The following RFX3 variants were observed in gnomAD, a reference collection of about 807,000 sequenced individuals.
The protein encoded by RFX3 is regulatory factor X3, also known as transcription factor RFX3.
RFX3 carries 14 observed loss-of-function variants against 98.6 expected under a neutral mutation model. That is an observed-to-expected ratio of 0.14 (90% CI 0.09 to 0.22). The LOEUF (loss-of-function observed/expected upper bound fraction) is 0.22. Ranked by LOEUF, RFX3 falls within the 10% of genes least tolerant of loss-of-function variation. RFX3 has a pLI of 1.00. For missense variants in RFX3, 639 were observed against 926.9 expected, an observed-to-expected ratio of 0.69 and a Z score of 4.03; for synonymous variants, 383 against 328.4, an observed-to-expected ratio of 1.17 and a Z score of -1.80.
intron 4 of RFX3, among the ~76,000 whole-genome samples, chr9:3,326,237 T>C (rs866849699): frequency 1.2e-4 from 18 of 151,920 alleles, no homozygotes; most frequent in African/African-American, 1.7e-4. Flanking sequence ...AAAGGAGAAA[T>C]AGTATTTTGA....
At position 3,222,118 on chromosome 9, in the gene RFX3, TA is replaced by T; in HGVS notation, c.*2923del. On this transcript the variant is annotated 3_prime_UTR_variant, in exon 17 of 17. Coordinates refer to ENST00000617270, the MANE Select transcript of RFX3 (RefSeq NM_001282116.2). ...TATAAATTGTTTTTATTTTCTTATA[TA>T]TTTTTCACAATTCAAATTCGAAATT... 6.6e-6 allele frequency: 1 copy of T among 152,190 alleles called. No individual in the cohort carries two copies. Among genetic ancestry groups the T allele is most frequent in the Non-Finnish European group, 1.5e-5 (1 of 68,010 alleles). The allele number at this position is 152,190 out of a possible 1,614,324, so 9.4% of individuals were successfully genotyped here. A position where few individuals can be genotyped will look rare whatever the true frequency, so the allele number is the denominator to read the frequency against.
At chr9:3,383,109 C>T (rs924999941) in intron 2 of RFX3, among the ~76,000 whole-genome samples, 9 of 152,070 alleles carry the variant, frequency 5.9e-5, no homozygotes, top group East Asian at 1.9e-4. Context: ...TATTCCTTTC[C>T]GCAGATTACC....
At position 3,383,677 on chromosome 9, in the gene RFX3, C is replaced by T. The variant is rs1349786747; in HGVS notation, c.117+11795G>A. On this transcript the variant is annotated intron_variant, in intron 2 of 16. Coordinates refer to ENST00000617270, the MANE Select transcript of RFX3 (RefSeq NM_001282116.2). ...TTTAAATAGAAAGCCTATCAGTTCA[C>T]AAGGGCTGTAAGGAAAATGAACCAT... Among the ~76,000 whole-genome samples, 5 of 152,104 alleles carry T rather than the reference C, an allele frequency of 3.3e-5. No individual in the cohort carries two copies. The South Asian group carries it at 1.0e-3, about 31-fold the overall frequency.
At chr9:3,274,763 C>T (rs1337551885) in intron 9 of RFX3, among the ~76,000 whole-genome samples, 1 of 152,050 alleles carries the variant, frequency 6.6e-6, no homozygotes, top group Non-Finnish European at 1.5e-5. Flanking sequence ...AGTCTCTCCC[C>T]TCTAACTCCC....
chr9:3,253,603 G>C (rs1345879936), intron 14 of RFX3, among the ~76,000 whole-genome samples: 1 of 152,106 alleles, frequency 6.6e-6, no homozygotes, highest in Admixed American at 6.6e-5. Context: ...AGCCAGGTTA[G>C]GCAAGGAGAG....
intron 1 of RFX3, among the ~76,000 whole-genome samples, chr9:3,485,642 TC>T (rs1850198091): frequency 6.6e-6 from 1 of 152,208 alleles, no homozygotes; most frequent in African/African-American, 2.4e-5. Context: ...CTGTCTATAA[TC>T]CCAAATTTGA....
chr9:3,336,612 C>G (rs1051226665), intron 3 of RFX3, among the ~76,000 whole-genome samples: 1 of 151,978 alleles, frequency 6.6e-6, no homozygotes, highest in Non-Finnish European at 1.5e-5. Flanking sequence ...CAGGAAAGAT[C>G]CTGATATTTA....
intron 2 of RFX3, among the ~76,000 whole-genome samples, chr9:3,359,896 A>C (rs573007924): frequency 1.3e-5 from 2 of 152,282 alleles, no homozygotes; most frequent in South Asian, 4.1e-4. Context: ...AATTGTTCAA[A>C]TATTAGTTGC....
intron 4 of RFX3, among the ~76,000 whole-genome samples, chr9:3,310,092 T>C (rs527363317): frequency 1.3e-5 from 2 of 152,324 alleles, no homozygotes; most frequent in African/African-American, 2.4e-5. Flanking sequence ...CAGATGCTTC[T>C]AGTACAAGTA....
chr9:3,438,803 T>C lies in RFX3; in HGVS notation c.-8-43207A>G, dbSNP rs151142977. Among the ~76,000 whole-genome samples, 558 of 152,130 alleles carry C rather than the reference T, an allele frequency of 3.7e-3. 4 individuals carry two copies. Among genetic ancestry groups the C allele is most frequent in the Non-Finnish European group, 5.8e-3 (396 of 67,916 alleles). ...ATTAGGAATACAGAGAATAATTTCA[T>C]AATGATAAAGTGATCAATTCATCAA... On this transcript the variant is annotated intron_variant, in intron 1 of 16. Coordinates refer to ENST00000617270, the MANE Select transcript of RFX3 (RefSeq NM_001282116.2).
intron 2 of RFX3, among the ~76,000 whole-genome samples, chr9:3,366,707 T>TTTCTTTCTTTCTTTCTTTCTTTC (rs1837196305): frequency 8.0e-6 from 1 of 125,120 alleles, no homozygotes; most frequent in East Asian, 2.6e-4. Flanking sequence ...TCTTTCTTTC[T>TTTCTTTCTTTCTTTCTTTCTTTC]TTCTTTCTTT....
chr9:3,521,952 G>C (rs1041823824), intron 1 of RFX3, among the ~76,000 whole-genome samples: 3 of 151,754 alleles, frequency 2.0e-5, no homozygotes, highest in African/African-American at 4.8e-5. Flanking sequence ...TTTTGTGAAA[G>C]AATCTGCAGG....
rs1823127057 is a variant in RFX3 at position 3,263,072 on chromosome 9, T to C, written c.1468A>G (p.Ser490Gly). 5 of 1,613,564 alleles carry C rather than the reference T, an allele frequency of 3.1e-6. No individual in the cohort carries two copies. Among genetic ancestry groups the C allele is most frequent in the Non-Finnish European group, 3.4e-6 (4 of 1,179,694 alleles). The change falls in exon 13 of 17, where the codon AGT becomes GGT. Residue 490 changes from serine (S) to glycine (G), a missense_variant. Ser to Gly is a moderately conservative substitution (Grantham distance 56, BLOSUM62 0). Transcript: ENST00000617270. ...CTTCGCAGAGTCTGGGCAAAGGCAC[T>C]TACAGCGGCAACCTGTAACGCAATC... is the stretch of plus-strand genomic sequence containing the variant. ...RMIQTKVAAVSAFAQTLRRYT... is the reference protein window; with the variant it reads ...RMIQTKVAAVGAFAQTLRRYT...
intron 1 of RFX3, among the ~76,000 whole-genome samples, chr9:3,408,857 A>C (rs1842221210): frequency 6.6e-6 from 1 of 152,200 alleles, no homozygotes; most frequent in South Asian, 2.1e-4. Context: ...TCCCTGGCAG[A>C]GATGGTGATC....
intron 6 of RFX3, 67 bp downstream of exon 6, chr9:3,293,010 C>A (rs1038974007): frequency 1.6e-6 from 2 of 1,279,868 alleles, no homozygotes; most frequent in African/African-American, 1.5e-5. Flanking sequence ...TTTGTTTAAA[C>A]AATATATTGA....
chr9:3,462,856 A>C lies in RFX3; in HGVS notation c.-9+62891T>G, dbSNP rs145024665. ...AATATATAATGGGAATAAAGTTAACAAAAAATATATGCAAGAATTATCCAC... is the reference window on the plus strand; with the variant it reads ...AATATATAATGGGAATAAAGTTAACCAAAAATATATGCAAGAATTATCCAC... On this transcript the variant is annotated intron_variant, in intron 1 of 16. Coordinates refer to ENST00000617270, the MANE Select transcript of RFX3 (RefSeq NM_001282116.2). Among the ~76,000 whole-genome samples, 47 of 152,218 alleles carry C rather than the reference A, an allele frequency of 3.1e-4. No homozygotes were observed. The East Asian group carries it at 6.4e-3, about 21-fold the overall frequency.
chr9:3,508,384 G>A (rs916290383), intron 1 of RFX3, among the ~76,000 whole-genome samples: 1 of 151,712 alleles, frequency 6.6e-6, no homozygotes, highest in Admixed American at 6.6e-5. Context: ...TATATATGTT[G>A]ATATATCAGA....
At chr9:3,268,564 C>G (rs1227509841) in intron 11 of RFX3, among the ~76,000 whole-genome samples, 1 of 151,752 alleles carries the variant, frequency 6.6e-6, no homozygotes, top group African/African-American at 2.4e-5. Context: ...ATTTTCTTGG[C>G]AGGGTGGTAT....
At chr9:3,287,344 C>T (rs922419740) in intron 7 of RFX3, among the ~76,000 whole-genome samples, 1 of 151,876 alleles carries the variant, frequency 6.6e-6, no homozygotes, top group Non-Finnish European at 1.5e-5. Context: ...AAAATCATAA[C>T]TTCTGTCTTG....
Sources: allele counts gnomAD v4.1 joint callset (sites outside exome capture counted in the v4.1 genomes callset), GRCh38; gene constraint gnomAD v4.1.1; transcripts MANE v1.5; gene names NCBI Gene and HGNC (gene_info 2026-07-23, HGNC 2026-07-21).